Variants in MARCHF4 observed in about 807,000 individuals in gnomAD.
MARCHF4 encodes the protein membrane associated ring-CH-type finger 4.
In MARCHF4, 14 loss-of-function variants were observed where a neutral mutation model predicts 43.9. The ratio of observed to expected loss-of-function variants is 0.32; its 90% CI spans 0.21 to 0.50. The LOEUF (loss-of-function observed/expected upper bound fraction) is 0.50. Among genes scored for constraint, MARCHF4 ranks in the 20% least tolerant of loss-of-function variants. The pLI is 0.98. For synonymous variants in MARCHF4, 226 were observed against 213.3 expected (o/e 1.06, Z -0.52); for missense variants, 468 against 536.7 (o/e 0.87, Z 1.27).
chr2:216,369,988 C>T lies in MARCHF4; in HGVS notation c.273G>A (p.Arg91=), dbSNP rs78345941. The change falls in exon 1 of 4, where the codon AGG becomes AGA. Residue 91 remains arginine (R), a synonymous_variant. Coordinates refer to ENST00000273067, the MANE Select transcript of MARCHF4 (RefSeq NM_020814.3). ...CCCTGCCCACCACTTCTCGGGGGCCCCTCCAGCCTGCCCACCCCCCGGCGC... is the reference window on the plus strand; with the variant it reads ...CCCTGCCCACCACTTCTCGGGGGCCTCTCCAGCCTGCCCACCCCCCGGCGC... ...ALGAGGWAGW[R]GPREVVGREP... The T allele has an allele frequency of 2.6e-3, 3,970 of 1,546,784 alleles. 91 individuals are homozygous for T. The African/African-American group carries it at 0.047, about 18-fold the overall frequency.
chr2:216,322,706 C>T (rs1691920143), intron 1 of MARCHF4, among the ~76,000 whole-genome samples: 1 of 152,090 alleles, frequency 6.6e-6, no homozygotes, highest in African/African-American at 2.4e-5. Context: ...CCTGTAGTCC[C>T]AGCTACTAGG....
intron 1 of MARCHF4, among the ~76,000 whole-genome samples, chr2:216,364,011 G>A (rs897304056): frequency 2.6e-5 from 4 of 152,212 alleles, no homozygotes; most frequent in Admixed American, 2.6e-4. Context: ...AAAGGATCTT[G>A]AGGATTATCT....
At chr2:216,339,795 C>T (rs1692210047) in intron 1 of MARCHF4, among the ~76,000 whole-genome samples, 1 of 152,140 alleles carries the variant, frequency 6.6e-6, no homozygotes, top group African/African-American at 2.4e-5. Context: ...CTGGCATCAG[C>T]AAGGATCCCA....
intron 1 of MARCHF4, among the ~76,000 whole-genome samples, chr2:216,304,030 G>A (rs568063862): frequency 6.6e-6 from 1 of 152,168 alleles, no homozygotes; most frequent in Non-Finnish European, 1.5e-5. Context: ...CTTGGAAAGA[G>A]AAATTTAGGG....
intron 1 of MARCHF4, among the ~76,000 whole-genome samples, chr2:216,366,723 G>T (rs1574489735): frequency 6.6e-6 from 1 of 152,030 alleles, no homozygotes; most frequent in African/African-American, 2.4e-5. Context: ...CTTTCCCACT[G>T]CCTCCCTTTC....
Position 216,259,699 on chromosome 2 carries a change from A to C in MARCHF4, c.866-20T>G. On this transcript the variant is annotated intron_variant, in intron 3 of 3. Coordinates refer to ENST00000273067, the MANE Select transcript of MARCHF4 (RefSeq NM_020814.3). ...TGAGACCTGAGGCAGCAGGGAGAGGAGAAACAGAGGCCAAATGAGAGGAAG... is the reference window on the plus strand; with the variant it reads ...TGAGACCTGAGGCAGCAGGGAGAGGCGAAACAGAGGCCAAATGAGAGGAAG... 6.2e-7 allele frequency: 1 copy of C among 1,607,818 alleles called. No homozygotes were observed.
intron 1 of MARCHF4, among the ~76,000 whole-genome samples, chr2:216,322,550 G>A (rs894494780): frequency 9.2e-5 from 14 of 152,220 alleles, no homozygotes; most frequent in African/African-American, 3.4e-4. Context: ...GGCCAGGCAC[G>A]GTGGCTCACG....
At chr2:216,366,596 A>C (rs1692669324) in intron 1 of MARCHF4, among the ~76,000 whole-genome samples, 1 of 152,082 alleles carries the variant, frequency 6.6e-6, no homozygotes, top group Non-Finnish European at 1.5e-5. Context: ...CCTTCACCTG[A>C]AATTCTCTTC....
chr2:216,273,706 T>C (rs1352099349), intron 3 of MARCHF4, among the ~76,000 whole-genome samples: 1 of 152,232 alleles, frequency 6.6e-6, no homozygotes. Context: ...AACTGTAGAA[T>C]GCCTCAGATG....
At chr2:216,280,699 G>A (rs1023832436) in intron 2 of MARCHF4, among the ~76,000 whole-genome samples, 2 of 152,138 alleles carry the variant, frequency 1.3e-5, no homozygotes, top group African/African-American at 4.8e-5. Context: ...GCCACCACTC[G>A]GTAGCTGTGT....
intron 3 of MARCHF4, among the ~76,000 whole-genome samples, chr2:216,268,371 G>A (rs206366): frequency 0.12 from 18,572 of 152,150 alleles, 2,021 homozygotes; most frequent in African/African-American, 0.29. Flanking sequence ...TGTAATCCCC[G>A]TGTATCAAGA....
At chr2:216,360,999 G>C (rs1344902429) in intron 1 of MARCHF4, among the ~76,000 whole-genome samples, 1 of 152,048 alleles carries the variant, frequency 6.6e-6, no homozygotes, top group Non-Finnish European at 1.5e-5. Flanking sequence ...GATGTTGATG[G>C]TGGGGTTGCA....
At chr2:216,336,288 A>G (rs1692156059) in intron 1 of MARCHF4, among the ~76,000 whole-genome samples, 1 of 152,184 alleles carries the variant, frequency 6.6e-6, no homozygotes. Context: ...TAAAATGACA[A>G]CATTCTGGTG....
intron 1 of MARCHF4, among the ~76,000 whole-genome samples, chr2:216,347,482 TC>T (rs1218723210): frequency 1.3e-5 from 2 of 152,176 alleles, no homozygotes; most frequent in African/African-American, 4.8e-5. Flanking sequence ...TTTCTCTTTA[TC>T]CAGAGAGTAG....
chr2:216,287,791 TAATAA>T (rs1691240451), intron 1 of MARCHF4, among the ~76,000 whole-genome samples: 1 of 148,334 alleles, frequency 6.7e-6, no homozygotes, highest in Non-Finnish European at 1.5e-5. Context: ...AGTATAATAA[TAATAA>T]AATTAAAAAA....
chr2:216,302,261 C>T (rs554845079), intron 1 of MARCHF4, among the ~76,000 whole-genome samples: 53 of 152,228 alleles, frequency 3.5e-4, no homozygotes, highest in African/African-American at 1.3e-3. Flanking sequence ...CTCTGTCACC[C>T]AGGCTGGAGT....
At chr2:216,344,047 C>A (rs1692275646) in intron 1 of MARCHF4, among the ~76,000 whole-genome samples, 1 of 151,972 alleles carries the variant, frequency 6.6e-6, no homozygotes, top group Non-Finnish European at 1.5e-5. Context: ...GGAACCCTGG[C>A]AAAACCATTA....
intron 1 of MARCHF4, among the ~76,000 whole-genome samples, chr2:216,349,755 G>A (rs1404606852): frequency 6.6e-6 from 1 of 152,172 alleles, no homozygotes; most frequent in Non-Finnish European, 1.5e-5. Context: ...TCTGGTGGGA[G>A]GTTAAAGTGA....
intron 1 of MARCHF4, among the ~76,000 whole-genome samples, chr2:216,331,911 A>C (rs868616510): frequency 5.9e-5 from 9 of 152,224 alleles, no homozygotes; most frequent in African/African-American, 2.2e-4. Context: ...CAGAAATGAA[A>C]AGATGCTCAG....
Sources: gnomAD v4.1 joint callset for allele counts (sites outside exome capture counted in the v4.1 genomes callset) on GRCh38, gnomAD v4.1.1 for gene constraint, MANE v1.5 for transcripts, NCBI Gene and HGNC (gene_info 2026-07-23, HGNC 2026-07-21) for gene names.